The following GRID2 variants were observed in gnomAD, a reference collection of about 807,000 sequenced individuals.
GRID2 encodes glutamate ionotropic receptor delta type subunit 2.
A neutral mutation model predicts 114.8 loss-of-function variants in GRID2; 33 were observed. That is an observed-to-expected ratio of 0.29 (90% CI 0.22 to 0.38). The LOEUF (loss-of-function observed/expected upper bound fraction) is 0.38, where lower values mean the gene tolerates loss of function less well. Ranked by LOEUF, GRID2 falls within the 10% of genes least tolerant of loss-of-function variation. GRID2 has a pLI of 1.00. For missense variants in GRID2, 1,184 were observed against 1,257.7 expected (o/e 0.94, Z 0.89); for synonymous variants, 505 against 449.9 (o/e 1.12, Z -1.55).
intron 8 of GRID2, among the ~76,000 whole-genome samples, chr4:93,362,038 C>T (rs562102994): frequency 1.3e-5 from 2 of 152,164 alleles, no homozygotes; most frequent in East Asian, 3.9e-4. Context: ...TGGAGATGGG[C>T]TGTTAAATCA....
intron 8 of GRID2, among the ~76,000 whole-genome samples, chr4:93,310,003 C>T (rs77007867): frequency 0.015 from 2,285 of 152,162 alleles, 95 homozygotes; most frequent in East Asian, 0.11. Flanking sequence ...TGGGACACAG[C>T]TCTCCACTGA....
intron 1 of GRID2, among the ~76,000 whole-genome samples, chr4:92,388,100 A>G (rs1349629222): frequency 6.6e-6 from 1 of 152,066 alleles, no homozygotes; most frequent in Non-Finnish European, 1.5e-5. Context: ...CTGCTGCTTA[A>G]AAAGGTTGTT....
intron 2 of GRID2, among the ~76,000 whole-genome samples, chr4:92,895,088 G>A (rs114041190): frequency 0.011 from 1,643 of 152,022 alleles, 20 homozygotes; most frequent in Non-Finnish European, 0.017. Flanking sequence ...GATTAATACT[G>A]TGGTTAATGA....
At chr4:92,372,323 T>C (rs919786091) in intron 1 of GRID2, among the ~76,000 whole-genome samples, 5 of 152,262 alleles carry the variant, frequency 3.3e-5, no homozygotes, top group Admixed American at 2.6e-4. Flanking sequence ...GAGAAAACTT[T>C]TGTGAAAGGA....
chr4:93,238,623 G>C, intron 8 of GRID2, 133 bp downstream of exon 8: 70 of 531,662 alleles, frequency 1.3e-4, no homozygotes, highest in Middle Eastern at 3.3e-4. Flanking sequence ...GGGGTGAGGG[G>C]AAATTAGGCA....
At position 93,679,005 on chromosome 4, in the gene GRID2, C is replaced by T. The variant is rs191892666; in HGVS notation, c.2360+52570C>T. ...GGCAAATTGGATAAAGAGTCAAGAC[C>T]CATCAGTGTGCTGTATTCAGGAAAC... On this transcript the variant is annotated intron_variant, in intron 14 of 15. Coordinates refer to ENST00000282020, the MANE Select transcript of GRID2 (RefSeq NM_001510.4). 3.1e-3 allele frequency among the ~76,000 whole-genome samples: 475 copies of T among 151,040 alleles called. 19 individuals carry two copies. Among genetic ancestry groups the T allele is most frequent in the African/African-American group, 0.011 (436 of 40,726 alleles).
At chr4:92,338,909 C>T (rs1727329828) in intron 1 of GRID2, among the ~76,000 whole-genome samples, 1 of 151,922 alleles carries the variant, frequency 6.6e-6, no homozygotes, top group African/African-American at 2.4e-5. Context: ...CTTTATTTTA[C>T]AGGAGGTGTG....
chr4:93,564,115 A>G (rs1272080109), intron 13 of GRID2, among the ~76,000 whole-genome samples: 1 of 152,002 alleles, frequency 6.6e-6, no homozygotes, highest in Non-Finnish European at 1.5e-5. Flanking sequence ...ATTAATAAAA[A>G]AGGTAGAAGA....
rs142889991 is a variant in GRID2 at position 92,580,386 on chromosome 4, A to T, written c.89-9745A>T. The stretch of plus-strand genomic sequence containing the variant: ...GAGTTAATAAATTATGAAGTTTGAG[A>T]TTTATATTGGAAGAGTACCATTTTC... On this transcript the variant is annotated intron_variant, in intron 1 of 15. Transcript: ENST00000282020. Among the ~76,000 whole-genome samples the T allele has an allele frequency of 5.3e-4, 78 of 146,448 alleles. No individual in the cohort carries two copies. In the East Asian group the frequency reaches 0.015, roughly 28 times the overall value.
intron 2 of GRID2, among the ~76,000 whole-genome samples, chr4:93,023,454 A>G (rs1723587158): frequency 6.6e-6 from 1 of 152,114 alleles, no homozygotes; most frequent in Non-Finnish European, 1.5e-5. Context: ...TTCTCAAATC[A>G]TTTACACATA....
At chr4:93,442,267 TCAGTCAGCGATTG>T (rs1249186739) in intron 10 of GRID2, among the ~76,000 whole-genome samples, 2 of 152,056 alleles carry the variant, frequency 1.3e-5, no homozygotes, top group African/African-American at 4.8e-5. Flanking sequence ...TTTGGGCATT[TCAGTCAGCGATTG>T]CTCCTGTATT....
At chr4:92,639,108 C>T (rs879586338) in intron 2 of GRID2, among the ~76,000 whole-genome samples, 8 of 151,526 alleles carry the variant, frequency 5.3e-5, no homozygotes, top group Admixed American at 6.6e-5. Context: ...TTAGAAATAA[C>T]GTATCTTTAG....
intron 11 of GRID2, among the ~76,000 whole-genome samples, chr4:93,489,909 C>G (rs1726815008): frequency 6.6e-6 from 1 of 151,824 alleles, no homozygotes; most frequent in African/African-American, 2.4e-5. Context: ...ATCTATAGCT[C>G]TCTAGAAAGA....
intron 4 of GRID2, among the ~76,000 whole-genome samples, chr4:93,153,405 G>A (rs1380821448): frequency 6.6e-6 from 1 of 152,010 alleles, no homozygotes; most frequent in Non-Finnish European, 1.5e-5. Context: ...AGTACTCAGA[G>A]GACAGGAAAA....
At chr4:93,722,851 T>C (rs1480796121) in intron 14 of GRID2, among the ~76,000 whole-genome samples, 1 of 152,212 alleles carries the variant, frequency 6.6e-6, no homozygotes, top group Non-Finnish European at 1.5e-5. Context: ...ATAGATCTAT[T>C]TGTTTCCCCT....
At chr4:92,822,325 T>C in intron 2 of GRID2, 4 of 622,036 alleles carry the variant, frequency 6.4e-6, no homozygotes, top group South Asian at 4.1e-5. Flanking sequence ...GGGATCCATC[T>C]GGAGAGACAG....
Position 92,710,638 on chromosome 4 carries a change from C to G in GRID2, c.244+120352C>G, listed in dbSNP as rs1735201067. Among the ~76,000 whole-genome samples the G allele has an allele frequency of 2.0e-5, 3 of 152,120 alleles. No homozygotes were observed. The South Asian group carries it at 6.2e-4, about 32-fold the overall frequency. On this transcript the variant is annotated intron_variant, in intron 2 of 15. Coordinates refer to ENST00000282020, the MANE Select transcript of GRID2 (RefSeq NM_001510.4). ...AGAATGGCTTTCGTATGTTTGAAGC[C>G]AATGTTTTATTACTCTTTATTTCCT...
chr4:92,438,049 T>C (rs62312196), intron 1 of GRID2, among the ~76,000 whole-genome samples: 7,798 of 152,312 alleles, frequency 0.051, 253 homozygotes, highest in East Asian at 0.084. Flanking sequence ...ATAAATAATC[T>C]CCAAGAGTAT....
intron 1 of GRID2, among the ~76,000 whole-genome samples, chr4:92,431,539 T>C (rs532630106): frequency 1.1e-4 from 17 of 152,084 alleles, no homozygotes; most frequent in Non-Finnish European, 1.9e-4. Flanking sequence ...AACAGGGATA[T>C]TGGCCTGTAG....
Sources: allele counts gnomAD v4.1 joint callset (sites outside exome capture counted in the v4.1 genomes callset), GRCh38; gene constraint gnomAD v4.1.1; transcripts MANE v1.5; gene names NCBI Gene and HGNC (gene_info 2026-07-23, HGNC 2026-07-21).